Variants in VAV3 observed in about 807,000 individuals in gnomAD.
The protein encoded by VAV3 is guanine nucleotide exchange factor VAV3.
Under a neutral mutation model 131.2 loss-of-function variants are expected in VAV3, and 94 were observed. The ratio of observed to expected loss-of-function variants is 0.72; its 90% CI spans 0.61 to 0.85. The LOEUF is 0.85. VAV3 is among the 40% of genes least tolerant of loss of function. The probability of loss-of-function intolerance (pLI) is 0.00; values close to 1 mark genes in which losing one functional copy is unlikely to be tolerated. For missense variants in VAV3, 939 were observed against 1,002.7 expected, an observed-to-expected ratio of 0.94 and a Z score of 0.86; for synonymous variants, 349 against 342.0, an observed-to-expected ratio of 1.02 and a Z score of -0.22.
At chr1:107,859,577 C>T (rs988134973) in intron 2 of VAV3, among the ~76,000 whole-genome samples, 1 of 152,116 alleles carries the variant, frequency 6.6e-6, no homozygotes, top group African/African-American at 2.4e-5. Flanking sequence ...TTTACTGAGT[C>T]CCTTCCACAC....
At chr1:107,851,154 A>G (rs1277819009) in intron 2 of VAV3, among the ~76,000 whole-genome samples, 4 of 148,114 alleles carry the variant, frequency 2.7e-5, no homozygotes, top group Admixed American at 6.7e-5. Flanking sequence ...CTTGGGAGAA[A>G]GAGTGAGACT....
chr1:107,856,901 GTGT>G (rs1669497404), intron 2 of VAV3, among the ~76,000 whole-genome samples: 1 of 152,118 alleles, frequency 6.6e-6, no homozygotes, highest in African/African-American at 2.4e-5. Flanking sequence ...GCTGGGTGTG[GTGT>G]TGTGTGTGCC....
At position 107,779,429 on chromosome 1, in the gene VAV3, C is replaced by G; in HGVS notation, c.380+5G>C. The G allele has an allele frequency of 6.3e-7, 1 of 1,584,858 alleles. No homozygotes were observed. On this transcript the variant is annotated splice_donor_5th_base_variant and intron_variant, in intron 3 of 26. Transcript: ENST00000370056. ...GGACACATGAACAACGAAAACAGAG[C>G]TTACCTGATTCCTGTGGCCAATGCT... is the stretch of plus-strand genomic sequence containing the variant.
intron 18 of VAV3, 65 bp downstream of exon 18, chr1:107,688,316 T>G: frequency 6.4e-7 from 1 of 1,567,248 alleles, no homozygotes; most frequent in Non-Finnish European, 8.7e-7. Context: ...AGCCCAAGCC[T>G]GGTTAAGTTA....
intron 1 of VAV3, among the ~76,000 whole-genome samples, chr1:107,877,557 T>C (rs1302633214): frequency 6.6e-6 from 1 of 152,022 alleles, no homozygotes; most frequent in Non-Finnish European, 1.5e-5. Flanking sequence ...AAAGAGGCCT[T>C]CCCCTTACTT....
chr1:107,672,008 C>T (rs969719742), intron 19 of VAV3: 1 of 152,106 alleles, frequency 6.6e-6, no homozygotes, highest in Non-Finnish European at 1.5e-5. Flanking sequence ...TGGCTCACAC[C>T]TGTAATCCCA....
intron 1 of VAV3, among the ~76,000 whole-genome samples, chr1:107,892,928 G>C (rs1671381883): frequency 6.6e-6 from 1 of 152,048 alleles, no homozygotes. Context: ...ATTTGTATGA[G>C]GTTTAACATT....
intron 12 of VAV3, among the ~76,000 whole-genome samples, chr1:107,752,953 C>A (rs1005537809): frequency 2.0e-5 from 3 of 152,026 alleles, no homozygotes; most frequent in African/African-American, 7.2e-5. Flanking sequence ...AAGTATATAA[C>A]TAAAAGAAGT....
intron 19 of VAV3, among the ~76,000 whole-genome samples, chr1:107,680,174 T>C (rs546353713): frequency 2.6e-5 from 4 of 152,274 alleles, no homozygotes; most frequent in African/African-American, 9.6e-5. Flanking sequence ...GTTTTCAATA[T>C]TGGGAGTTTT....
intron 7 of VAV3, 29 bp from the exon 8 acceptor site, chr1:107,766,579 A>C (rs1484146236): frequency 1.9e-6 from 3 of 1,581,054 alleles, no homozygotes. Context: ...GTGAAAGGAA[A>C]GTAGGAATAA....
At chr1:107,745,157 T>A (rs1319830497) in intron 15 of VAV3, among the ~76,000 whole-genome samples, 2 of 152,018 alleles carry the variant, frequency 1.3e-5, no homozygotes, top group African/African-American at 4.8e-5. Context: ...CTGTTTCACA[T>A]ATGACTAAAT....
At chr1:107,666,394 T>A (rs1173417397) in intron 19 of VAV3, among the ~76,000 whole-genome samples, 1 of 152,140 alleles carries the variant, frequency 6.6e-6, no homozygotes, top group East Asian at 1.9e-4. Context: ...AGGTGATATC[T>A]GCAATTTGGA....
intron 2 of VAV3, among the ~76,000 whole-genome samples, chr1:107,827,880 T>C (rs1668082269): frequency 6.6e-6 from 1 of 152,206 alleles, no homozygotes; most frequent in Non-Finnish European, 1.5e-5. Context: ...CTTGAATTTA[T>C]TTCATACTAG....
chr1:107,886,196 T>C (rs1170694147), intron 1 of VAV3, among the ~76,000 whole-genome samples: 3 of 152,212 alleles, frequency 2.0e-5, no homozygotes, highest in African/African-American at 4.8e-5. Flanking sequence ...ACTTACAATA[T>C]TGACATATGT....
At chr1:107,599,132 C>CT (rs2101086457) in intron 24 of VAV3, among the ~76,000 whole-genome samples, 1 of 152,258 alleles carries the variant, frequency 6.6e-6, no homozygotes, top group African/African-American at 2.4e-5. Flanking sequence ...TTTCCAAGGC[C>CT]TAGGGTCATG....
chr1:107,594,710 A>G (rs911288573), intron 25 of VAV3, among the ~76,000 whole-genome samples: 2 of 152,144 alleles, frequency 1.3e-5, no homozygotes, highest in African/African-American at 4.8e-5. Context: ...GCCGGGCTAC[A>G]TTCTCTGAGT....
intron 20 of VAV3, among the ~76,000 whole-genome samples, chr1:107,623,598 T>C (rs558703000): frequency 1.3e-5 from 2 of 152,322 alleles, no homozygotes; most frequent in Non-Finnish European, 2.9e-5. Flanking sequence ...TATTCTTTCA[T>C]TGTTAATTGC....
chr1:107,582,029 AG>A (rs1650089729), intron 25 of VAV3, among the ~76,000 whole-genome samples: 1 of 152,222 alleles, frequency 6.6e-6, no homozygotes, highest in Admixed American at 6.5e-5. Context: ...GTTCTCACTC[AG>A]GTAACAAAAA....
chr1:107,588,435 T>C (rs546807869), intron 25 of VAV3, among the ~76,000 whole-genome samples: 2 of 152,328 alleles, frequency 1.3e-5, no homozygotes, highest in South Asian at 4.1e-4. Context: ...ATGAGGCTAA[T>C]GTAACACTTC....
Sources: gnomAD v4.1 joint callset for allele counts (sites outside exome capture counted in the v4.1 genomes callset) on GRCh38, gnomAD v4.1.1 for gene constraint, MANE v1.5 for transcripts, NCBI Gene and HGNC (gene_info 2026-07-23, HGNC 2026-07-21) for gene names.